TLN1: variants seen among roughly 807,000 people sequenced by gnomAD.
TLN1 encodes the protein talin-1.
In TLN1, 56 loss-of-function variants were observed where a neutral mutation model predicts 292.3. The ratio of observed to expected loss-of-function variants is 0.19; its 90% CI spans 0.15 to 0.24. The LOEUF (loss-of-function observed/expected upper bound fraction) is 0.24, where lower values mean the gene tolerates loss of function less well. Ranked by LOEUF, TLN1 falls within the 10% of genes least tolerant of loss-of-function variation. The pLI, the probability that TLN1 is intolerant of heterozygous loss-of-function variation, is 1.00. For synonymous variants in TLN1, 1,119 were observed against 1,253.7 expected, an observed-to-expected ratio of 0.89 and a Z score of 2.27; for missense variants, 2,433 against 3,248.2, an observed-to-expected ratio of 0.75 and a Z score of 6.10.
Position 35,714,163 on chromosome 9 carries a change from T to C in TLN1, c.3120+76A>G, listed in dbSNP as rs1825734813. ...TCTGATTACACAATTATCTGCGTAT[T>C]GGGTTATTCTGCACAGATTTCCTCT... On this transcript the variant is annotated intron_variant, in intron 24 of 56. Coordinates refer to ENST00000314888, the MANE Select transcript of TLN1 (RefSeq NM_006289.4). This position sits in a 1 kb window ranked among gnomAD's most constrained non-coding sequence, Gnocchi z 4.6. The C allele has an allele frequency of 4.4e-6, 7 of 1,600,158 alleles. No individual in the cohort carries two copies. The South Asian group carries it at 5.5e-5, about 13-fold the overall frequency.
intron 8 of TLN1, 26 bp from the exon 9 acceptor site, chr9:35,722,249 A>G (rs1275749068): frequency 2.5e-6 from 4 of 1,596,588 alleles, no homozygotes; most frequent in African/African-American, 1.3e-5. Context: ...GGAAGAATTT[A>G]GCAAAGAGTT....
In TLN1 at chr9:35,698,723, C is replaced by T. The variant is rs370602772; in HGVS notation, c.7126-44G>A. Reference sequence around the variant, plus strand: ...CCTACTTAGACCTGCATTTTCCTCACTTCAAAGACTCGCTGGCTATGGATG... The same window carrying T: ...CCTACTTAGACCTGCATTTTCCTCATTTCAAAGACTCGCTGGCTATGGATG... On this transcript the variant is annotated intron_variant, in intron 53 of 56. Coordinates refer to ENST00000314888, the MANE Select transcript of TLN1 (RefSeq NM_006289.4). This position sits in a 1 kb window ranked among gnomAD's most constrained non-coding sequence, Gnocchi z 5.3. 6.2e-6 allele frequency: 10 copies of T among 1,614,014 alleles called. No individual in the cohort carries two copies. The African/African-American group carries it at 1.1e-4, about 17-fold the overall frequency.
At chr9:35,713,164 T>C in intron 26 of TLN1, 32 bp downstream of exon 26, 3 of 1,584,050 alleles carry the variant, frequency 1.9e-6, no homozygotes, top group Non-Finnish European at 2.6e-6. Context: ...TCCCTCACAA[T>C]ATGCCCCATG....
chr9:35,701,241 C>T (rs1392160965), intron 48 of TLN1, among the ~76,000 whole-genome samples: 1 of 152,152 alleles, frequency 6.6e-6, no homozygotes, highest in East Asian at 1.9e-4. Flanking sequence ...ACTGGAGAAG[C>T]AAGCAGAGCC....
At position 35,717,340 on chromosome 9, in the gene TLN1, T is replaced by A; in HGVS notation, c.2264A>T (p.Gln755Leu). 1 of 1,614,172 alleles carries A rather than the reference T, an allele frequency of 6.2e-7. No individual in the cohort carries two copies. The highest frequency in any genetic ancestry group is 8.5e-7 in the Non-Finnish European group (1 of 1,180,038). ...CAGTTGCCCATCCTCTGTAGCTGCC[T>A]GGGAGGCAGACACACAGCCCTCCAC... The part of the protein sequence containing the change: ...KAVEGCVSAS[Q>L]AATEDGQLLR... Residue 755 changes from glutamine (Q) to leucine (L), a missense_variant, in exon 19 of 57, where the codon CAG becomes CTG. By Grantham distance (113) the Gln-to-Leu change is moderately radical. Transcript: ENST00000314888. The surrounding 1 kb of genome is among the most constrained non-coding windows in gnomAD (Gnocchi z 4.7).
chr9:35,709,003 C>T (rs1825612830), intron 33 of TLN1, among the ~76,000 whole-genome samples: 1 of 152,214 alleles, frequency 6.6e-6, no homozygotes, highest in South Asian at 2.1e-4. Context: ...ATGGAAAGAA[C>T]ATCCTAATGT....
Position 35,699,088 on chromosome 9 carries a change from C to A in TLN1, c.6943G>T (p.Ala2315Ser). 1.2e-6 allele frequency: 2 copies of A among 1,613,878 alleles called. No individual in the cohort carries two copies. Among genetic ancestry groups the A allele is most frequent in the Non-Finnish European group, 1.7e-6 (2 of 1,179,854 alleles). The change falls in exon 52 of 57, where the codon GCC becomes TCC. Residue 2315 changes from alanine to serine, a missense_variant. Coordinates refer to ENST00000314888, the MANE Select transcript of TLN1 (RefSeq NM_006289.4). The surrounding 1 kb of genome is among the most constrained non-coding windows in gnomAD (Gnocchi z 4.0). ...AENELLGAAAAIEAAAKKLEQ... is the reference protein window; with the variant it reads ...AENELLGAAASIEAAAKKLEQ... ...AGCTTTTTGGCTGCAGCCTCAATGG[C>A]GGCTGCAGCTCCCAGGAGCTCATTC... is the stretch of plus-strand genomic sequence containing the variant.
At position 35,698,539 on chromosome 9, in the gene TLN1, C is replaced by G. The variant is rs753172209; in HGVS notation, c.7189-34G>C. Reference sequence around the variant, plus strand: ...GGGAGAGTTTGCTTAAAAATATGCCCCTTGCCCTGGTCCATCCCCACTCCA... The same window carrying G: ...GGGAGAGTTTGCTTAAAAATATGCCGCTTGCCCTGGTCCATCCCCACTCCA... On this transcript the variant is annotated intron_variant, in intron 54 of 56. Coordinates refer to ENST00000314888, the MANE Select transcript of TLN1 (RefSeq NM_006289.4). This position sits in a 1 kb window ranked among gnomAD's most constrained non-coding sequence, Gnocchi z 5.3. The G allele has an allele frequency of 1.9e-6, 3 of 1,613,822 alleles. No homozygotes were observed. The South Asian group carries it at 3.3e-5, about 18-fold the overall frequency.
intron 7 of TLN1, chr9:35,723,467 T>TA (rs1360284220): frequency 5.4e-6 from 1 of 183,840 alleles, no homozygotes; most frequent in Non-Finnish European, 1.1e-5. Flanking sequence ...AAAATTAAGT[T>TA]AGAGGCTCAG....
chr9:35,718,267 C>T (rs1016061423), intron 17 of TLN1, among the ~76,000 whole-genome samples: 2 of 152,218 alleles, frequency 1.3e-5, no homozygotes, highest in South Asian at 2.1e-4. Flanking sequence ...AAGTTCTGGT[C>T]CCCCAGGAGG....
chr9:35,707,514 G>T lies in TLN1; in HGVS notation c.4633-26C>A, dbSNP rs1825587042. 1.2e-6 allele frequency: 2 copies of T among 1,612,364 alleles called. No homozygotes were observed. The highest frequency in any genetic ancestry group is 1.7e-6 in the Non-Finnish European group (2 of 1,178,776). ...CTAGAAGTGACAGAGAGGCTCTCAGGACTTGGGATGCAGTCATAGGGGGTA... is the reference window on the plus strand; with the variant it reads ...CTAGAAGTGACAGAGAGGCTCTCAGTACTTGGGATGCAGTCATAGGGGGTA... On this transcript the variant is annotated intron_variant, in intron 35 of 56. Coordinates refer to ENST00000314888, the MANE Select transcript of TLN1 (RefSeq NM_006289.4). This position sits in a 1 kb window ranked among gnomAD's most constrained non-coding sequence, Gnocchi z 5.6.
At position 35,720,891 on chromosome 9, in the gene TLN1, C is replaced by A; in HGVS notation, c.1127G>T (p.Gly376Val). Residue 376 changes from glycine (G) to valine (V), a missense_variant, in exon 11 of 57, where the codon GGC (glycine) becomes GTC (valine). Physicochemically the swap from Gly to Val is moderately radical, Grantham distance 109 (BLOSUM62 -3). Transcript: ENST00000314888. ...TTCAGTTGTCTGTACTGAGTAATAG[C>A]CATCTTGGTAATCTCCAAAATCCTA... ...FTLDFGDYQD[G>V]YYSVQTTEGE... The A allele has an allele frequency of 6.2e-7, 1 of 1,614,010 alleles. No individual in the cohort carries two copies. The highest frequency in any genetic ancestry group is 2.2e-5 in the East Asian group (1 of 44,886).
chr9:35,713,477 A>T (rs1467690585), intron 25 of TLN1, among the ~76,000 whole-genome samples, 179 bp from the exon 26 acceptor site: 1 of 152,152 alleles, frequency 6.6e-6, no homozygotes, highest in Non-Finnish European at 1.5e-5. Context: ...TGAGGTCAGG[A>T]GTTCAAGACC....
chr9:35,716,568 G>A lies in TLN1; in HGVS notation c.2459-12C>T. The A allele has an allele frequency of 6.2e-7, 1 of 1,612,250 alleles. No homozygotes were observed. The highest frequency in any genetic ancestry group is 8.5e-7 in the Non-Finnish European group (1 of 1,178,840). ...TCGCACCATCTCCCCTGAGAGCATA[G>A]GGCACAGTCAGGCGAGGAAGCCAGA... On this transcript the variant is annotated splice_polypyrimidine_tract_variant and intron_variant, in intron 19 of 56. Transcript: ENST00000314888.
rs765799488 is a variant in TLN1 at position 35,712,939 on chromosome 9, C to G, written c.3457G>C (p.Asp1153His). 3.1e-6 allele frequency: 5 copies of G among 1,609,904 alleles called. No homozygotes were observed. The Admixed American group carries it at 6.7e-5, about 22-fold the overall frequency. Residue 1153 changes from aspartate to histidine, a missense_variant, in exon 27 of 57, where the codon GAT (aspartate) becomes CAT (histidine). This residue lies in a region of TLN1 where 1,384 missense variants were observed against 1,699.6 expected (regional missense o/e 0.81). Coordinates refer to ENST00000314888, the MANE Select transcript of TLN1 (RefSeq NM_006289.4). ...SDPAVQAIVL[D>H]TASDVLDKAS... Reference sequence around the variant, plus strand: ...TTGTCCAGCACATCACTGGCCGTATCAAGTACAATGGCCTGCACTGCAGGA... The same window carrying G: ...TTGTCCAGCACATCACTGGCCGTATGAAGTACAATGGCCTGCACTGCAGGA...
In TLN1 at chr9:35,706,004, G is replaced by A. The variant is rs149087654; in HGVS notation, c.5469C>T (p.Val1823=). 98 of 1,614,070 alleles carry A rather than the reference G, an allele frequency of 6.1e-5. No individual in the cohort carries two copies. Among genetic ancestry groups the A allele is most frequent in the Non-Finnish European group, 7.5e-5 (89 of 1,180,028 alleles). The change falls in exon 41 of 57, where the codon GTC becomes GTT. Residue 1823 remains valine (V), a synonymous_variant. Coordinates refer to ENST00000314888, the MANE Select transcript of TLN1 (RefSeq NM_006289.4). This position sits in a 1 kb window ranked among gnomAD's most constrained non-coding sequence, Gnocchi z 4.2. ...TLNEAASAAG[V]VGGMVDSITQ... is the part of the protein sequence containing the mutation. ...TGATGGAGTCCACCATGCCACCCAC[G>A]ACCCCAGCAGCACTGGCTGCCTCGT...
chr9:35,710,694 G>C lies in TLN1; in HGVS notation c.4204-11C>G, dbSNP rs374746111. 5.0e-6 allele frequency: 8 copies of C among 1,614,040 alleles called. No individual in the cohort carries two copies. The highest frequency in any genetic ancestry group is 5.9e-6 in the Non-Finnish European group (7 of 1,180,000). ...GGCCTCGCCCAGCACCTGAGGAACA[G>C]AGGACATCAGGGGAGTCAGAGCATG... is the stretch of plus-strand genomic sequence containing the variant. On this transcript the variant is annotated splice_polypyrimidine_tract_variant and intron_variant, in intron 32 of 56. Coordinates refer to ENST00000314888, the MANE Select transcript of TLN1 (RefSeq NM_006289.4).
At chr9:35,716,120 C>T (rs1825776978) in intron 20 of TLN1, among the ~76,000 whole-genome samples, 1 of 150,700 alleles carries the variant, frequency 6.6e-6, no homozygotes, top group Non-Finnish European at 1.5e-5. Flanking sequence ...CTTCGGGAGG[C>T]CAAGGTGGGA....
Position 35,704,546 on chromosome 9 carries a change from T to C in TLN1, c.5881-48A>G. The C allele has an allele frequency of 6.3e-7, 1 of 1,582,618 alleles. No homozygotes were observed. Among genetic ancestry groups the C allele is most frequent in the Non-Finnish European group, 8.6e-7 (1 of 1,162,584 alleles). On this transcript the variant is annotated intron_variant, in intron 44 of 56. Coordinates refer to ENST00000314888, the MANE Select transcript of TLN1 (RefSeq NM_006289.4). This position sits in a 1 kb window ranked among gnomAD's most constrained non-coding sequence, Gnocchi z 6.9. ...TGACTGTGGAAGGTGCCATGTGAAA[T>C]GGAAAGGTTGCCCATGCCTGGGAGA...
Sources: allele counts gnomAD v4.1 joint callset (sites outside exome capture counted in the v4.1 genomes callset), GRCh38; gene constraint gnomAD v4.1.1; regional missense constraint gnomAD v4.1.1; non-coding constraint Gnocchi (gnomAD v3.1); transcripts MANE v1.5; gene names NCBI Gene and HGNC (gene_info 2026-07-23, HGNC 2026-07-21).